KCNT2: variants seen among roughly 807,000 people sequenced by gnomAD.
The protein encoded by KCNT2 is potassium sodium-activated channel subfamily T member 2.
Under a neutral mutation model 153.8 loss-of-function variants are expected in KCNT2, and 67 were observed. The ratio of observed to expected loss-of-function variants is 0.44; its 90% CI spans 0.36 to 0.53. The LOEUF (loss-of-function observed/expected upper bound fraction) is 0.53. Ranked by LOEUF, KCNT2 falls within the 20% of genes least tolerant of loss-of-function variation. The pLI is 0.00. For missense variants in KCNT2, 975 were observed against 1,354.8 expected (o/e 0.72, Z 4.40); for synonymous variants, 500 against 458.8 (o/e 1.09, Z -1.15).
intron 1 of KCNT2, among the ~76,000 whole-genome samples, chr1:196,568,595 CAAAA>C (rs34667117): frequency 8.4e-6 from 1 of 118,832 alleles, no homozygotes; most frequent in Non-Finnish European, 1.7e-5. Context: ...GACTCCGTCT[CAAAA>C]AAAAAAAAAA....
At chr1:196,381,774 AACC>A (rs1669511926) in intron 13 of KCNT2, among the ~76,000 whole-genome samples, 3 of 152,176 alleles carry the variant, frequency 2.0e-5, no homozygotes, top group Admixed American at 1.3e-4. Context: ...GAGAAAACAC[AACC>A]ACCAAGCTCC....
At chr1:196,260,008 C>T (rs1343508021) in intron 25 of KCNT2, among the ~76,000 whole-genome samples, 1 of 151,774 alleles carries the variant, frequency 6.6e-6, no homozygotes. Flanking sequence ...ATACGTACCA[C>T]CAACAATAAT....
In KCNT2 at chr1:196,342,160, T is replaced by C. The variant is rs1176634515; in HGVS notation, c.1472A>G (p.His491Arg). The change falls in exon 15 of 28, where the codon CAC becomes CGC. Residue 491 changes from histidine (H) to arginine (R), a missense_variant. This residue lies in a region of KCNT2 where 325 missense variants were observed against 388.1 expected (regional missense o/e 0.84). Coordinates refer to ENST00000294725, the MANE Select transcript of KCNT2 (RefSeq NM_198503.5). Reference sequence around the variant, plus strand: ...AAATGTACTTTCTTCCAAAACAATGTGGTAGACTTCATTCCCGGAGCATCT... The same window carrying C: ...AAATGTACTTTCTTCCAAAACAATGCGGTAGACTTCATTCCCGGAGCATCT... ...YGRCSGNEVY[H>R]IVLEESTFFA... is the part of the protein sequence containing the mutation. 1 of 1,611,906 alleles carries C rather than the reference T, an allele frequency of 6.2e-7. No individual in the cohort carries two copies. The highest frequency in any genetic ancestry group is 8.5e-7 in the Non-Finnish European group (1 of 1,179,052).
intron 21 of KCNT2, among the ~76,000 whole-genome samples, chr1:196,307,977 T>C (rs1661797757): frequency 6.6e-6 from 1 of 152,008 alleles, no homozygotes; most frequent in South Asian, 2.1e-4. Flanking sequence ...TCACCATATA[T>C]GGTTGTCACA....
chr1:196,339,518 C>CAGAGAG (rs1456186234), intron 16 of KCNT2, among the ~76,000 whole-genome samples: 6 of 100,272 alleles, frequency 6.0e-5, no homozygotes, highest in African/African-American at 1.9e-4. Flanking sequence ...CACACACACA[C>CAGAGAG]ACAGAGAGAG....
chr1:196,255,754 T>C (rs987424291), intron 26 of KCNT2, among the ~76,000 whole-genome samples: 2 of 151,916 alleles, frequency 1.3e-5, no homozygotes, highest in Non-Finnish European at 2.9e-5. Context: ...TCAGAAATTA[T>C]GGATTTTGGA....
At chr1:196,369,291 T>A (rs1033477825) in intron 14 of KCNT2, among the ~76,000 whole-genome samples, 2 of 152,248 alleles carry the variant, frequency 1.3e-5, no homozygotes, top group Admixed American at 1.3e-4. Context: ...CAAAGGTGAT[T>A]TTTTCTAAAG....
intron 22 of KCNT2, among the ~76,000 whole-genome samples, chr1:196,293,212 AT>A (rs1165909100): frequency 4.6e-5 from 7 of 152,194 alleles, no homozygotes; most frequent in Non-Finnish European, 8.8e-5. Flanking sequence ...TGATCTTCAG[AT>A]TTACTGCAAT....
intron 20 of KCNT2, among the ~76,000 whole-genome samples, chr1:196,318,704 CA>C (rs1190595797): frequency 6.6e-6 from 1 of 151,626 alleles, no homozygotes; most frequent in Non-Finnish European, 1.5e-5. Flanking sequence ...GGAGGCTAAT[CA>C]TATTTTAGAC....
rs557475042 is a variant in KCNT2 at position 196,555,862 on chromosome 1, T to C, written c.95+52353A>G. On this transcript the variant is annotated intron_variant, in intron 1 of 27. Coordinates refer to ENST00000294725, the MANE Select transcript of KCNT2 (RefSeq NM_198503.5). ...AAACAAATCCACATCCCTATGGTGA[T>C]CTCATTTTTGACAAATGTGTCAAAA... Among the ~76,000 whole-genome samples, 5 of 151,356 alleles carry C rather than the reference T, an allele frequency of 3.3e-5. No individual in the cohort carries two copies. The East Asian group carries it at 9.8e-4, about 30-fold the overall frequency.
At position 196,444,295 on chromosome 1, in the gene KCNT2, G is replaced by A. The variant is rs183881988; in HGVS notation, c.639-14538C>T. 1.9e-3 allele frequency among the ~76,000 whole-genome samples: 290 copies of A among 151,404 alleles called. 1 individual carries two copies. Among genetic ancestry groups the A allele is most frequent in the African/African-American group, 6.8e-3 (282 of 41,446 alleles). ...AAGCTCACTGTGATATCAGAAATCCGTTTCTAAATATACCTTTACTCCCTT... is the reference window on the plus strand; with the variant it reads ...AAGCTCACTGTGATATCAGAAATCCATTTCTAAATATACCTTTACTCCCTT... On this transcript the variant is annotated intron_variant, in intron 8 of 27. Transcript: ENST00000294725.
At chr1:196,248,063 A>T (rs749009453) in intron 26 of KCNT2, among the ~76,000 whole-genome samples, 11 of 152,196 alleles carry the variant, frequency 7.2e-5, no homozygotes, top group Non-Finnish European at 1.2e-4. Flanking sequence ...CTCAATGAAG[A>T]TATTAAGAAG....
intron 1 of KCNT2, among the ~76,000 whole-genome samples, chr1:196,511,981 C>A (rs1681671921): frequency 6.6e-6 from 1 of 152,114 alleles, no homozygotes; most frequent in African/African-American, 2.4e-5. Context: ...TGACTAATTT[C>A]TCATCTCTTA....
rs1454847660 is a variant in KCNT2, at chr1:196,258,286, C to A, written c.3119G>T (p.Arg1040Leu). Residue 1040 changes from arginine to leucine, a missense_variant, in exon 26 of 28, where the codon CGA becomes CTA. Arg to Leu is a moderately radical substitution (Grantham distance 102). This residue lies in a region of KCNT2 where 241 missense variants were observed against 271.1 expected (regional missense o/e 0.89). Transcript: ENST00000294725. ...TTCTGACCTCCTGTAGAGGTTCAGT[C>A]GCTGCTGGGTTATTTTTTCAGCTGT... Reference protein sequence around the residue: ...GKTAEKITQQRLNLYRRSERQ... With the variant: ...GKTAEKITQQLLNLYRRSERQ... 4 of 1,613,910 alleles carry A rather than the reference C, an allele frequency of 2.5e-6. No homozygotes were observed. Among genetic ancestry groups the A allele is most frequent in the Admixed American group, 1.7e-5 (1 of 59,966 alleles).
chr1:196,403,862 C>T (rs921533722), intron 12 of KCNT2, among the ~76,000 whole-genome samples: 1 of 151,578 alleles, frequency 6.6e-6, no homozygotes, highest in Non-Finnish European at 1.5e-5. Context: ...GAAGTTACTA[C>T]GGATCTGATT....
chr1:196,530,777 C>G (rs1654833537), intron 1 of KCNT2, among the ~76,000 whole-genome samples: 1 of 151,944 alleles, frequency 6.6e-6, no homozygotes, highest in South Asian at 2.1e-4. Flanking sequence ...AAGATTTAAC[C>G]ATGATTTTAC....
At chr1:196,460,862 T>G (rs916060597) in intron 8 of KCNT2, among the ~76,000 whole-genome samples, 2 of 151,766 alleles carry the variant, frequency 1.3e-5, no homozygotes, top group Non-Finnish European at 2.9e-5. Context: ...CCTTTTACAT[T>G]TCTCACTTTT....
At chr1:196,316,734 C>T (rs1404579877) in intron 20 of KCNT2, among the ~76,000 whole-genome samples, 1 of 150,772 alleles carries the variant, frequency 6.6e-6, no homozygotes, top group East Asian at 2.0e-4. Flanking sequence ...TCTTCCCTAT[C>T]ACTGACAAAA....
chr1:196,449,021 C>T (rs879322537), intron 8 of KCNT2, among the ~76,000 whole-genome samples: 2 of 151,640 alleles, frequency 1.3e-5, no homozygotes, highest in African/African-American at 2.4e-5. Context: ...TTATTCAGCA[C>T]TGGGCCCTGT....
Sources: gnomAD v4.1 joint callset for allele counts (sites outside exome capture counted in the v4.1 genomes callset) on GRCh38, gnomAD v4.1.1 for gene constraint, gnomAD v4.1.1 regional missense constraint, MANE v1.5 for transcripts, NCBI Gene and HGNC (gene_info 2026-07-23, HGNC 2026-07-21) for gene names.